Variants in CADPS2 observed in about 807,000 individuals in gnomAD.
CADPS2 encodes calcium-dependent secretion activator 2.
Under a neutral mutation model 172.5 loss-of-function variants are expected in CADPS2, and 93 were observed. The ratio of observed to expected loss-of-function variants is 0.54; its 90% CI spans 0.46 to 0.64. CADPS2 has a LOEUF of 0.64. CADPS2 is among the 30% of genes least tolerant of loss of function. The probability of loss-of-function intolerance (pLI) is 0.00; values close to 1 mark genes in which losing one functional copy is unlikely to be tolerated. For synonymous variants in CADPS2, 546 were observed against 555.2 expected (o/e 0.98, Z 0.23); for missense variants, 1,420 against 1,565.9 (o/e 0.91, Z 1.57).
rs368074922 is a variant in CADPS2, at chr7:122,393,335, G to A, written c.2889-20C>T. The stretch of plus-strand genomic sequence containing the variant: ...ATATTCCTGTAAAGAAACAAACAAC[G>A]TGGGAAGGGACCACCATAAGCGATA... On this transcript the variant is annotated intron_variant, in intron 21 of 29. Coordinates refer to ENST00000449022, the MANE Select transcript of CADPS2 (RefSeq NM_017954.11). 2.3e-5 allele frequency: 37 copies of A among 1,613,624 alleles called. No homozygotes were observed. The highest frequency in any genetic ancestry group is 1.1e-4 in the South Asian group (10 of 91,074).
Position 122,720,420 on chromosome 7 carries a change from G to GTA in CADPS2, c.453+16533_453+16534dup, listed in dbSNP as rs779899496. On this transcript the variant is annotated intron_variant, in intron 2 of 29. Coordinates refer to ENST00000449022, the MANE Select transcript of CADPS2 (RefSeq NM_017954.11). ...ATAAAAGATAACTTAATAGAGGTTT[G>GTA]TATATATATATACATATATATGTAT... Among the ~76,000 whole-genome samples the GTA allele has an allele frequency of 2.0e-3, 302 of 148,942 alleles. 1 individual carries two copies. The highest frequency in any genetic ancestry group is 4.9e-3 in the African/African-American group (199 of 40,640).
chr7:122,838,166 C>CAAA (rs1374554181), intron 1 of CADPS2, among the ~76,000 whole-genome samples: 3 of 152,070 alleles, frequency 2.0e-5, no homozygotes, highest in Non-Finnish European at 2.9e-5. Flanking sequence ...TAAACAGAAC[C>CAAA]AAAGACAAAA....
chr7:122,369,155 T>TGAGACA (rs375882337), intron 25 of CADPS2, among the ~76,000 whole-genome samples: 4 of 99,492 alleles, frequency 4.0e-5, no homozygotes, highest in Non-Finnish European at 5.8e-5. Flanking sequence ...TTTTTTTTTT[T>TGAGACA]GAGTCTCGCT....
chr7:122,416,096 C>G lies in CADPS2; in HGVS notation c.2545G>C (p.Glu849Gln), dbSNP rs753630371. Residue 849 changes from glutamate (E) to glutamine (Q), a missense_variant, in exon 18 of 30, where the codon GAA (glutamate) becomes CAA (glutamine). Coordinates refer to ENST00000449022, the MANE Select transcript of CADPS2 (RefSeq NM_017954.11). ...TGCTCTTCATTCTGCTGTAAGACTT[C>G]TATGCAGAGCTCTGCCAGATGAAGA... The part of the protein sequence containing the change: ...EILHLAELCI[E>Q]VLQQNEEHHA... The G allele has an allele frequency of 6.4e-7, 1 of 1,550,788 alleles. No homozygotes were observed. The highest frequency in any genetic ancestry group is 1.9e-5 in the Admixed American group (1 of 52,688).
intron 25 of CADPS2, among the ~76,000 whole-genome samples, chr7:122,371,492 T>TA (rs2041756849): frequency 1.3e-5 from 2 of 150,392 alleles, no homozygotes; most frequent in Admixed American, 1.3e-4. Context: ...ATCATGAGAA[T>TA]AACATGGGGG....
chr7:122,398,226 T>G lies in CADPS2; in HGVS notation c.2747-4644A>C, dbSNP rs575091288. 2.6e-5 allele frequency among the ~76,000 whole-genome samples: 4 copies of G among 152,300 alleles called. No homozygotes were observed. The South Asian group carries it at 8.3e-4, about 32-fold the overall frequency. ...TAAGATTTCAACAGAGAATTTAAAT[T>G]TAAACTATGATCCAATTAATAACAA... is the stretch of plus-strand genomic sequence containing the variant. On this transcript the variant is annotated intron_variant, in intron 20 of 29. Coordinates refer to ENST00000449022, the MANE Select transcript of CADPS2 (RefSeq NM_017954.11).
At position 122,702,375 on chromosome 7, in the gene CADPS2, C is replaced by T. The variant is rs2086278070; in HGVS notation, c.453+34580G>A. 3.1e-6 allele frequency: 5 copies of T among 1,613,832 alleles called. No homozygotes were observed. The East Asian group carries it at 1.1e-4, about 36-fold the overall frequency. The stretch of plus-strand genomic sequence containing the variant: ...CCTTGATAGTTGTAGATGATCACCC[C>T]ATTTGCTCCCTTCTCTGCTGCCACG... On this transcript the variant is annotated intron_variant, in intron 2 of 29. Transcript: ENST00000449022.
intron 4 of CADPS2, among the ~76,000 whole-genome samples, chr7:122,628,308 G>A (rs1262703029): frequency 1.3e-5 from 2 of 152,044 alleles, no homozygotes; most frequent in Non-Finnish European, 2.9e-5. Context: ...AAATTAGTAT[G>A]GGATATAACT....
At chr7:122,332,245 C>G (rs2035076457) in intron 28 of CADPS2, among the ~76,000 whole-genome samples, 1 of 152,152 alleles carries the variant, frequency 6.6e-6, no homozygotes, top group Admixed American at 6.6e-5. Context: ...CTCATATACT[C>G]TCTTAAGACT....
chr7:122,325,743 A>G (rs2033703858), intron 28 of CADPS2, among the ~76,000 whole-genome samples, 162 bp from the exon 29 acceptor site: 1 of 152,162 alleles, frequency 6.6e-6, no homozygotes, highest in African/African-American at 2.4e-5. Context: ...TGTTAACAGA[A>G]TTGTATGCTT....
chr7:122,474,618 CT>C, intron 12 of CADPS2, 101 bp from the exon 13 acceptor site: 2 of 1,087,638 alleles, frequency 1.8e-6, no homozygotes, highest in Non-Finnish European at 2.6e-6. Context: ...AAGCAGAAGA[CT>C]ACCTTTTATC....
intron 12 of CADPS2, among the ~76,000 whole-genome samples, chr7:122,477,459 T>C (rs182487846): frequency 4.2e-4 from 63 of 151,142 alleles, no homozygotes; most frequent in African/African-American, 1.5e-3. Context: ...AAGGTTGCAG[T>C]AAGCTGAGAT....
At chr7:122,361,424 G>A (rs2040130270) in intron 25 of CADPS2, among the ~76,000 whole-genome samples, 1 of 151,672 alleles carries the variant, frequency 6.6e-6, no homozygotes, top group South Asian at 2.1e-4. Flanking sequence ...AGTAGAGACG[G>A]GGTTTTACCA....
intron 2 of CADPS2, chr7:122,701,790 T>A: frequency 3.2e-6 from 4 of 1,265,604 alleles, no homozygotes; most frequent in Non-Finnish European, 4.4e-6. Flanking sequence ...ATCTTTGTAT[T>A]TGGAAAGATC....
intron 9 of CADPS2, among the ~76,000 whole-genome samples, chr7:122,499,003 T>C (rs2058983492): frequency 6.6e-6 from 1 of 152,224 alleles, no homozygotes; most frequent in Non-Finnish European, 1.5e-5. Flanking sequence ...AGCTGCTCCA[T>C]GGTCATCACC....
intron 3 of CADPS2, among the ~76,000 whole-genome samples, chr7:122,651,657 C>T (rs1163409805): frequency 6.6e-6 from 1 of 152,088 alleles, no homozygotes; most frequent in Non-Finnish European, 1.5e-5. Flanking sequence ...GATAAGTGAA[C>T]AAGATCTCAG....
chr7:122,694,009 G>A (rs1383317859), intron 2 of CADPS2, among the ~76,000 whole-genome samples: 1 of 152,128 alleles, frequency 6.6e-6, no homozygotes, highest in Non-Finnish European at 1.5e-5. Flanking sequence ...TTTTTCAACA[G>A]AAGCAAAGAT....
intron 2 of CADPS2, among the ~76,000 whole-genome samples, chr7:122,724,338 ATTAT>A (rs2090853593): frequency 6.6e-6 from 1 of 151,950 alleles, no homozygotes; most frequent in Non-Finnish European, 1.5e-5. Context: ...CACTTAATTA[ATTAT>A]TTACTCAGAT....
chr7:122,376,039 A>C (rs1450003029), intron 25 of CADPS2, among the ~76,000 whole-genome samples: 1 of 152,208 alleles, frequency 6.6e-6, no homozygotes, highest in African/African-American at 2.4e-5. Context: ...GTGAGATATT[A>C]GCTCACATCT....
Sources: gnomAD v4.1 joint callset for allele counts (sites outside exome capture counted in the v4.1 genomes callset) on GRCh38, gnomAD v4.1.1 for gene constraint, MANE v1.5 for transcripts, NCBI Gene and HGNC (gene_info 2026-07-23, HGNC 2026-07-21) for gene names.